CDH6: variants seen among roughly 807,000 people sequenced by gnomAD.
CDH6 encodes cadherin 6.
Under a neutral mutation model 78.0 loss-of-function variants are expected in CDH6, and 31 were observed. The observed-to-expected ratio is 0.40, with a 90% CI of 0.30 to 0.54. CDH6 has a LOEUF of 0.54. CDH6 is among the 20% of genes least tolerant of loss of function. The pLI, the probability that CDH6 is intolerant of heterozygous loss-of-function variation, is 0.56. For missense variants in CDH6, 724 were observed against 975.9 expected, an observed-to-expected ratio of 0.74 and a Z score of 3.44; for synonymous variants, 376 against 368.8, an observed-to-expected ratio of 1.02 and a Z score of -0.23.
intron 7 of CDH6, among the ~76,000 whole-genome samples, chr5:31,305,745 A>G (rs1401757273): frequency 6.6e-6 from 1 of 152,172 alleles, no homozygotes; most frequent in African/African-American, 2.4e-5. Flanking sequence ...CCTCCCCCAT[A>G]CTTTAAGTCA....
At position 31,267,582 on chromosome 5, in the gene CDH6, G is replaced by T; in HGVS notation, c.109G>T (p.Ala37Ser). The change falls in exon 2 of 12, where the codon GCC becomes TCC. Residue 37 changes from alanine (A) to serine (S), a missense_variant. By Grantham distance (99) the Ala-to-Ser change is moderately conservative. Transcript: ENST00000265071. ...RTSGFPAKKR[A>S]LELSGNSKNE... ...TAGTGGTTTCCCAGCAAAGAAAAGG[G>T]CCCTGGAGCTCTCTGGAAACAGCAA... 1 of 1,614,064 alleles carries T rather than the reference G, an allele frequency of 6.2e-7. No individual in the cohort carries two copies. The highest frequency in any genetic ancestry group is 8.5e-7 in the Non-Finnish European group (1 of 1,180,012).
chr5:31,221,337 A>G (rs902940306), intron 1 of CDH6, among the ~76,000 whole-genome samples: 1 of 152,136 alleles, frequency 6.6e-6, no homozygotes, highest in Admixed American at 6.5e-5. Context: ...GAAACCCTTT[A>G]TTGGTCTTGT....
chr5:31,247,286 A>C (rs1428203973), intron 1 of CDH6, among the ~76,000 whole-genome samples: 1 of 152,224 alleles, frequency 6.6e-6, no homozygotes, highest in Non-Finnish European at 1.5e-5. Flanking sequence ...TTAATACCTT[A>C]GGACATGAAT....
intron 1 of CDH6, among the ~76,000 whole-genome samples, chr5:31,205,699 A>G (rs1336077224): frequency 6.6e-6 from 1 of 152,180 alleles, no homozygotes; most frequent in Non-Finnish European, 1.5e-5. Context: ...TTTCTATCAT[A>G]AATAAAACAA....
intron 11 of CDH6, among the ~76,000 whole-genome samples, chr5:31,321,006 A>G (rs997652661): frequency 6.6e-6 from 1 of 150,554 alleles, no homozygotes; most frequent in African/African-American, 2.4e-5. Context: ...ACTGTGCTGT[A>G]TGTTCATATG....
At chr5:31,299,774 C>T (rs999832945) in intron 5 of CDH6, 143 bp downstream of exon 5, 2 of 669,026 alleles carry the variant, frequency 3.0e-6, no homozygotes, top group South Asian at 3.8e-5. Flanking sequence ...AATGAGTTGA[C>T]AACATGGCAT....
At chr5:31,231,889 C>A (rs1741319522) in intron 1 of CDH6, among the ~76,000 whole-genome samples, 2 of 152,142 alleles carry the variant, frequency 1.3e-5, no homozygotes, top group South Asian at 4.1e-4. Context: ...ATTACCATGT[C>A]CAGTTTTAGA....
Position 31,316,282 on chromosome 5 carries a change from G to A in CDH6, c.1465G>A (p.Ala489Thr). The change falls in exon 9 of 12, where the codon GCT (alanine) becomes ACT (threonine). Residue 489 changes from alanine to threonine, a missense_variant. Around this residue, in one of 3 missense-constraint regions of CDH6, gnomAD observed 446 missense variants for 684.5 expected, o/e 0.65. Transcript: ENST00000265071. ...TGTCAATGACAACGCCCCAGAATTT[G>A]CTGAGTTCTATGAAACTTTTGTCTG... The part of the protein sequence containing the change: ...LDVNDNAPEF[A>T]EFYETFVCEK... 5 of 1,613,564 alleles carry A rather than the reference G, an allele frequency of 3.1e-6. No homozygotes were observed. Among genetic ancestry groups the A allele is most frequent in the Non-Finnish European group, 4.2e-6 (5 of 1,179,686 alleles).
chr5:31,312,426 T>C (rs952516733), intron 7 of CDH6, among the ~76,000 whole-genome samples: 2 of 152,214 alleles, frequency 1.3e-5, no homozygotes, highest in African/African-American at 4.8e-5. Flanking sequence ...TAGCCAGTCG[T>C]GGTGGTTCAT....
chr5:31,206,258 A>G (rs1469830495), intron 1 of CDH6, among the ~76,000 whole-genome samples: 1 of 152,220 alleles, frequency 6.6e-6, no homozygotes, highest in Non-Finnish European at 1.5e-5. Context: ...ATACAAAAAA[A>G]GTCAAAGGTA....
intron 2 of CDH6, among the ~76,000 whole-genome samples, chr5:31,274,326 C>T (rs1742626024): frequency 6.6e-6 from 1 of 152,132 alleles, no homozygotes; most frequent in Non-Finnish European, 1.5e-5. Context: ...TCCCTCTGTG[C>T]ACAGTAGCTC....
intron 1 of CDH6, among the ~76,000 whole-genome samples, chr5:31,208,615 G>T (rs940009948): frequency 6.6e-6 from 1 of 152,086 alleles, no homozygotes; most frequent in Non-Finnish European, 1.5e-5. Context: ...GGAAACTGTG[G>T]CTGTATATTA....
intron 1 of CDH6, among the ~76,000 whole-genome samples, chr5:31,255,942 A>C (rs1742042801): frequency 6.6e-6 from 1 of 152,214 alleles, no homozygotes; most frequent in Non-Finnish European, 1.5e-5. Context: ...ACACCTCTGT[A>C]AATACTGCTA....
chr5:31,220,224 T>C (rs1412901033), intron 1 of CDH6, among the ~76,000 whole-genome samples: 6 of 152,152 alleles, frequency 3.9e-5, no homozygotes, highest in African/African-American at 1.4e-4. Context: ...AGTTCCTTTT[T>C]TGAATTAATG....
chr5:31,314,344 G>A (rs1355076034), intron 8 of CDH6, among the ~76,000 whole-genome samples: 2 of 129,138 alleles, frequency 1.5e-5, no homozygotes, highest in Non-Finnish European at 3.1e-5. Flanking sequence ...GAATTTCAAT[G>A]TTTAAAACTA....
chr5:31,265,593 G>A (rs897410394), intron 1 of CDH6, among the ~76,000 whole-genome samples: 1 of 151,964 alleles, frequency 6.6e-6, no homozygotes, highest in East Asian at 1.9e-4. Context: ...AGAATGACAA[G>A]AATCAAGTGA....
At chr5:31,208,090 A>C (rs888856536) in intron 1 of CDH6, among the ~76,000 whole-genome samples, 5 of 152,348 alleles carry the variant, frequency 3.3e-5, no homozygotes, top group Middle Eastern at 3.4e-3. Flanking sequence ...GAAAGGTAGC[A>C]GTGCATCAAG....
At chr5:31,249,025 C>T (rs919658006) in intron 1 of CDH6, among the ~76,000 whole-genome samples, 14 of 151,900 alleles carry the variant, frequency 9.2e-5, no homozygotes, top group Admixed American at 4.6e-4. Context: ...GTTCTCACCA[C>T]GAAAATAATA....
At chr5:31,206,040 C>T (rs891967147) in intron 1 of CDH6, among the ~76,000 whole-genome samples, 5 of 152,164 alleles carry the variant, frequency 3.3e-5, no homozygotes, top group African/African-American at 9.7e-5. Flanking sequence ...AAAATTCAAT[C>T]GTGGCACCCT....
Sources: allele counts gnomAD v4.1 joint callset (sites outside exome capture counted in the v4.1 genomes callset), GRCh38; gene constraint gnomAD v4.1.1; regional missense constraint gnomAD v4.1.1; transcripts MANE v1.5; gene names NCBI Gene and HGNC (gene_info 2026-07-23, HGNC 2026-07-21).